PHF10: variants seen among roughly 807,000 people sequenced by gnomAD.
PHF10 encodes the protein PHD finger protein 10.
A neutral mutation model predicts 68.5 loss-of-function variants in PHF10; 51 were observed. The ratio of observed to expected loss-of-function variants is 0.74; its 90% CI spans 0.59 to 0.94. The LOEUF is 0.94. Among genes scored for constraint, PHF10 ranks in the 40% least tolerant of loss-of-function variants. The pLI, the probability that PHF10 is intolerant of heterozygous loss-of-function variation, is 0.00. For missense variants in PHF10, 460 were observed against 602.6 expected, an observed-to-expected ratio of 0.76 and a Z score of 2.48; for synonymous variants, 204 against 203.5, an observed-to-expected ratio of 1.00 and a Z score of -0.02.
At chr6:169,710,626 C>T (rs1788907386) in intron 8 of PHF10, among the ~76,000 whole-genome samples, 1 of 152,056 alleles carries the variant, frequency 6.6e-6, no homozygotes. Context: ...ATATCAGTGC[C>T]TTCATCAACT....
chr6:169,705,271 T>C lies in PHF10; in HGVS notation c.1273A>G (p.Thr425Ala). Residue 425 changes from threonine (T) to alanine (A), a missense_variant, in exon 11 of 12, where the codon ACC (threonine) becomes GCC (alanine). This residue lies in a region of PHF10 where 111 missense variants were observed against 109.7 expected (regional missense o/e 1.01). Transcript: ENST00000339209. The stretch of plus-strand genomic sequence containing the variant: ...CATTCCATACACTGCCATGGGTAGG[T>C]CTTAATCATAGAAACAAGCTCCATT... ...MTMELVSMIKTYPWQCMECKT... is the reference protein window; with the variant it reads ...MTMELVSMIKAYPWQCMECKT... 4 of 1,613,464 alleles carry C rather than the reference T, an allele frequency of 2.5e-6. No homozygotes were observed. The highest frequency in any genetic ancestry group is 3.4e-6 in the Non-Finnish European group (4 of 1,179,574).
rs1788733956 is a variant in PHF10, at chr6:169,705,115, T to C, written c.1411+18A>G. On this transcript the variant is annotated intron_variant, in intron 11 of 11. Transcript: ENST00000339209. ...CTCATCACCCAAAGATAATGTTTGCTCTTTTTTTAATCTTTACCTGATGGA... is the reference window on the plus strand; with the variant it reads ...CTCATCACCCAAAGATAATGTTTGCCCTTTTTTTAATCTTTACCTGATGGA... The C allele has an allele frequency of 1.3e-6, 2 of 1,571,010 alleles. No individual in the cohort carries two copies. The highest frequency in any genetic ancestry group is 1.4e-5 in the African/African-American group (1 of 73,650).
chr6:169,704,038 CT>C lies in PHF10; in HGVS notation c.1461del (p.Val488TrpfsTer?). On this transcript the variant is annotated frameshift_variant, in exon 12 of 12. Transcript: ENST00000339209. LOFTEE classifies it high-confidence loss of function. ...CCQRAPPTPR[K>X]VGRRGKNSKE... is the part of the protein sequence containing the mutation. ...TTGCTGTTTTTCCCCCTTCTGCCCACTTTCCTGGGTGTTGGGGGGGCCCGCT... is the reference window on the plus strand; with the variant it reads ...TTGCTGTTTTTCCCCCTTCTGCCCACTTCCTGGGTGTTGGGGGGGCCCGCT... 1 of 1,599,884 alleles carries C rather than the reference CT, an allele frequency of 6.3e-7. No individual in the cohort carries two copies. The highest frequency in any genetic ancestry group is 8.5e-7 in the Non-Finnish European group (1 of 1,175,726).
intron 11 of PHF10, 187 bp downstream of exon 11, chr6:169,704,946 T>C (rs375749587): frequency 1.0e-4 from 44 of 430,628 alleles, no homozygotes; most frequent in Admixed American, 4.6e-4. Flanking sequence ...CTTTCACTTA[T>C]CCTTTAGTTG....
rs141647577 is a variant in PHF10, at chr6:169,718,659, C to A, written c.325+129G>T. On this transcript the variant is annotated intron_variant, in intron 3 of 11. Transcript: ENST00000339209. ...CTCTAGCCTGGGTTACAGAATGAGACCCTTAGTCTTAAAAAAAAACAGCAA... is the reference window on the plus strand; with the variant it reads ...CTCTAGCCTGGGTTACAGAATGAGAACCTTAGTCTTAAAAAAAAACAGCAA... 233 of 599,506 alleles carry A rather than the reference C, an allele frequency of 3.9e-4. 2 individuals are homozygous for A. The East Asian group carries it at 5.4e-3, about 14-fold the overall frequency. 37.1% of individuals were successfully genotyped at this position (599,506 alleles called of 1,614,324 possible). A position where few individuals can be genotyped will look rare whatever the true frequency, so the allele number is the denominator to read the frequency against.
In PHF10 at chr6:169,710,215, T is replaced by C. The variant is rs750673985; in HGVS notation, c.1113+21A>G. 6.4e-6 allele frequency: 10 copies of C among 1,561,270 alleles called. 1 individual carries two copies. In the South Asian group the frequency reaches 1.2e-4, roughly 19 times the overall value. On this transcript the variant is annotated intron_variant, in intron 9 of 11. Coordinates refer to ENST00000339209, the MANE Select transcript of PHF10 (RefSeq NM_018288.4). ...GAGGCTGGTCAGTAAAGAAGCTGAG[T>C]CAGGGGCTTTTTTCTTCTACCTTGT...
At chr6:169,720,420 T>C (rs1789148386) in intron 2 of PHF10, among the ~76,000 whole-genome samples, 1 of 152,138 alleles carries the variant, frequency 6.6e-6, no homozygotes, top group Non-Finnish European at 1.5e-5. Context: ...AACATCTGAA[T>C]GGATAAACAA....
In PHF10 at chr6:169,705,128, T is replaced by TTG. The variant is rs1172020358; in HGVS notation, c.1411+4_1411+5insCA. 3 of 1,591,166 alleles carry TTG rather than the reference T, an allele frequency of 1.9e-6. No homozygotes were observed. The African/African-American group carries it at 4.1e-5, about 21-fold the overall frequency. ...GATAATGTTTGCTCTTTTTTTAATC[T>TTG]TTACCTGATGGAATAGCACCAAGGC... On this transcript the variant is annotated splice_donor_region_variant and intron_variant, in intron 11 of 11. Coordinates refer to ENST00000339209, the MANE Select transcript of PHF10 (RefSeq NM_018288.4).
intron 2 of PHF10, 30 bp from the exon 3 acceptor site, chr6:169,718,948 A>T: frequency 7.2e-7 from 1 of 1,386,660 alleles, no homozygotes; most frequent in Non-Finnish European, 1.0e-6. Flanking sequence ...TTATGCATTA[A>T]ATGTAGCTTT....
chr6:169,718,922 A>C lies in PHF10; in HGVS notation c.195-4T>G. ...TTCTGCTGGATAGTAACTAAAACTA[A>C]GTACAGAAATACATATTATGCATTA... is the stretch of plus-strand genomic sequence containing the variant. On this transcript the variant is annotated splice_region_variant and splice_polypyrimidine_tract_variant and intron_variant, in intron 2 of 11. Coordinates refer to ENST00000339209, the MANE Select transcript of PHF10 (RefSeq NM_018288.4). 6.4e-7 allele frequency: 1 copy of C among 1,558,286 alleles called. No homozygotes were observed. The highest frequency in any genetic ancestry group is 1.4e-5 in the African/African-American group (1 of 73,886).
rs1261401404 is a variant in PHF10 at position 169,710,323 on chromosome 6, T to C, written c.1026A>G (p.Gly342=). 8.1e-6 allele frequency: 13 copies of C among 1,612,532 alleles called. No homozygotes were observed. The South Asian group carries it at 1.3e-4, about 16-fold the overall frequency. ...CAGCTTTGTCTTTTGATTTCTGTCT[T>C]CCCTGGAAAGAGTCCTCCTGGCTGT... is the stretch of plus-strand genomic sequence containing the variant. ...PPDSQEDSFQ[G]RQKSKDKAAT... The change falls in exon 9 of 12, where the codon GGA becomes GGG. Residue 342 remains glycine, a synonymous_variant. Transcript: ENST00000339209.
intron 7 of PHF10, among the ~76,000 whole-genome samples, chr6:169,714,059 T>G (rs1011585459): frequency 1.3e-5 from 2 of 151,574 alleles, no homozygotes; most frequent in African/African-American, 4.9e-5. Context: ...AGGCAGAGGT[T>G]GCAGTGAGCC....
intron 1 of PHF10, among the ~76,000 whole-genome samples, chr6:169,722,214 G>A (rs964024034): frequency 6.6e-6 from 1 of 152,162 alleles, no homozygotes; most frequent in East Asian, 1.9e-4. Context: ...TAGCTCCTAG[G>A]AATTAACTGG....
intron 7 of PHF10, among the ~76,000 whole-genome samples, 166 bp from the exon 8 acceptor site, chr6:169,712,705 C>T (rs1330945377): frequency 6.6e-6 from 1 of 152,106 alleles, no homozygotes; most frequent in Non-Finnish European, 1.5e-5. Flanking sequence ...TAATAAAAAG[C>T]CTGAACATCT....
rs1789251529 is a variant in PHF10 at position 169,723,890 on chromosome 6, C to G, written c.42G>C (p.Arg14=). 3 of 1,088,754 alleles carry G rather than the reference C, an allele frequency of 2.8e-6. No individual in the cohort carries two copies. In the Admixed American group the frequency reaches 1.6e-4, roughly 57 times the overall value. 67.4% of individuals were successfully genotyped at this position (1,088,754 alleles called of 1,614,324 possible). Reference sequence around the variant, plus strand: ...GGGTGGCTGGGTCGCTGTCGCACGGCCGCGGGGACAGCGCAGCCCCGGGCC... The same window carrying G: ...GGGTGGCTGGGTCGCTGTCGCACGGGCGCGGGGACAGCGCAGCCCCGGGCC... ...AAGPGAALSP[R]PCDSDPATPG... Residue 14 remains arginine (R), a synonymous_variant, in exon 1 of 12, where the codon CGG becomes CGC. Transcript: ENST00000339209.
At chr6:169,710,962 C>G (rs1280786437) in intron 8 of PHF10, among the ~76,000 whole-genome samples, 1 of 151,994 alleles carries the variant, frequency 6.6e-6, no homozygotes, top group Non-Finnish European at 1.5e-5. Flanking sequence ...GGTTTAAGAC[C>G]TCAGTATCTG....
intron 9 of PHF10, among the ~76,000 whole-genome samples, chr6:169,706,712 A>C (rs1788800608): frequency 1.1e-5 from 1 of 87,058 alleles, no homozygotes; most frequent in African/African-American, 3.3e-5. Context: ...GGGTAAGGGG[A>C]CATACATACA....
intron 4 of PHF10, among the ~76,000 whole-genome samples, chr6:169,717,518 ATAT>A (rs1473671144): frequency 1.3e-5 from 2 of 152,236 alleles, no homozygotes; most frequent in Non-Finnish European, 2.9e-5. Flanking sequence ...GACTTGTTAC[ATAT>A]TATACTGCAA....
rs796145152 is a variant in PHF10, at chr6:169,708,705, G to A, written c.1113+1531C>T. 3.9e-5 allele frequency: 6 copies of A among 152,212 alleles called. No individual in the cohort carries two copies. The East Asian group carries it at 7.7e-4, about 20-fold the overall frequency. The allele number at this position is 152,212 out of a possible 1,614,324, so 9.4% of individuals were successfully genotyped here. A position where few individuals can be genotyped will look rare whatever the true frequency, so the allele number is the denominator to read the frequency against. Reference sequence around the variant, plus strand: ...AAATCAATGATAGTGTTGAATAGCTGATTTCCAGCCTGTATTAAAACATCT... The same window carrying A: ...AAATCAATGATAGTGTTGAATAGCTAATTTCCAGCCTGTATTAAAACATCT... On this transcript the variant is annotated intron_variant, in intron 9 of 11. Coordinates refer to ENST00000339209, the MANE Select transcript of PHF10 (RefSeq NM_018288.4).
Sources: gnomAD v4.1 joint callset for allele counts (sites outside exome capture counted in the v4.1 genomes callset) on GRCh38, gnomAD v4.1.1 for gene constraint, gnomAD v4.1.1 regional missense constraint, MANE v1.5 for transcripts, NCBI Gene and HGNC (gene_info 2026-07-23, HGNC 2026-07-21) for gene names.